The following CNTN5 variants were observed in gnomAD, a reference collection of about 807,000 sequenced individuals.
CNTN5 encodes the protein contactin 5, also known as contactin-5.
CNTN5 carries 77 observed loss-of-function variants against 129.1 expected under a neutral mutation model. The ratio of observed to expected loss-of-function variants is 0.60; its 90% CI spans 0.50 to 0.72. CNTN5 has a LOEUF of 0.72. Ranked by LOEUF, CNTN5 falls within the 30% of genes least tolerant of loss-of-function variation. CNTN5 has a pLI of 0.00. For missense variants in CNTN5, 1,478 were observed against 1,328.8 expected (o/e 1.11, Z -1.75); for synonymous variants, 509 against 465.6 (o/e 1.09, Z -1.20).
At position 99,473,213 on chromosome 11, in the gene CNTN5, A is replaced by C. The variant is rs576996682; in HGVS notation, c.-70-82932A>C. On this transcript the variant is annotated intron_variant, in intron 2 of 24. Coordinates refer to ENST00000524871, the MANE Select transcript of CNTN5 (RefSeq NM_014361.4). ...TATACTTGCTTTGCTTTTTAGCAAC[A>C]ACCTTGGAAAATCTTTTGATACTTG... 2.0e-5 allele frequency among the ~76,000 whole-genome samples: 3 copies of C among 152,248 alleles called. No homozygotes were observed. The South Asian group carries it at 6.2e-4, about 32-fold the overall frequency.
At chr11:99,559,745 T>G (rs534423198) in intron 3 of CNTN5, among the ~76,000 whole-genome samples, 21 of 152,286 alleles carry the variant, frequency 1.4e-4, no homozygotes, top group Middle Eastern at 3.4e-3. Flanking sequence ...ACACAAAAAC[T>G]ACCATATAAG....
At chr11:100,044,313 A>G (rs1275607527) in intron 9 of CNTN5, among the ~76,000 whole-genome samples, 1 of 152,098 alleles carries the variant, frequency 6.6e-6, no homozygotes, top group Non-Finnish European at 1.5e-5. Flanking sequence ...TATTTTTAAT[A>G]TAGTAATTTA....
At chr11:99,490,573 A>T (rs1239424381) in intron 2 of CNTN5, among the ~76,000 whole-genome samples, 6 of 152,114 alleles carry the variant, frequency 3.9e-5, no homozygotes, top group African/African-American at 1.4e-4. Flanking sequence ...ACTGTTACTT[A>T]TTAGGGAGTG....
At chr11:99,845,668 G>T (rs952084789) in intron 6 of CNTN5, among the ~76,000 whole-genome samples, 5 of 152,032 alleles carry the variant, frequency 3.3e-5, no homozygotes, top group East Asian at 1.9e-4. Flanking sequence ...CACCGCGCCC[G>T]GCCCTTCTTG....
intron 1 of CNTN5, among the ~76,000 whole-genome samples, chr11:99,320,448 G>GA (rs1401652671): frequency 6.6e-6 from 1 of 151,964 alleles, no homozygotes; most frequent in Admixed American, 6.6e-5. Context: ...GAATCCAAGG[G>GA]AAAAAAGAGA....
intron 6 of CNTN5, among the ~76,000 whole-genome samples, chr11:99,877,034 G>A (rs896096324): frequency 1.3e-5 from 2 of 152,148 alleles, no homozygotes; most frequent in African/African-American, 4.8e-5. Flanking sequence ...AAAAAGAGCT[G>A]TAGGAGTGAT....
At chr11:99,544,078 C>T (rs2135503900) in intron 2 of CNTN5, among the ~76,000 whole-genome samples, 1 of 152,110 alleles carries the variant, frequency 6.6e-6, no homozygotes, top group South Asian at 2.1e-4. Context: ...TTAATTGGCT[C>T]ACAGTTATGC....
intron 15 of CNTN5, among the ~76,000 whole-genome samples, chr11:100,224,185 G>A (rs948237816): frequency 7.9e-5 from 12 of 152,082 alleles, no homozygotes; most frequent in Admixed American, 7.9e-4. Context: ...ACATGGCTTT[G>A]GGACCAGCAC....
chr11:99,059,649 C>A (rs1399366347), intron 1 of CNTN5, among the ~76,000 whole-genome samples: 52 of 152,010 alleles, frequency 3.4e-4, no homozygotes, highest in Non-Finnish European at 2.1e-4. Flanking sequence ...CCTGTAATAT[C>A]CTATTTACAA....
At chr11:99,890,813 T>C (rs1288253654) in intron 6 of CNTN5, among the ~76,000 whole-genome samples, 1 of 152,108 alleles carries the variant, frequency 6.6e-6, no homozygotes, top group African/African-American at 2.4e-5. Context: ...GACTAAGGGA[T>C]AAAAATCAAC....
At chr11:99,091,042 A>G (rs1565309984) in intron 1 of CNTN5, among the ~76,000 whole-genome samples, 2 of 151,518 alleles carry the variant, frequency 1.3e-5, no homozygotes, top group Admixed American at 6.6e-5. Flanking sequence ...AAAAAAAAAA[A>G]AAGCCTTATG....
chr11:99,425,735 G>A (rs918666168), intron 2 of CNTN5, among the ~76,000 whole-genome samples: 6 of 152,356 alleles, frequency 3.9e-5, no homozygotes, highest in Admixed American at 3.9e-4. Flanking sequence ...GAGGTCTGCA[G>A]CCATGGCTGG....
chr11:99,591,570 C>T (rs560035781), intron 3 of CNTN5, among the ~76,000 whole-genome samples: 30 of 152,090 alleles, frequency 2.0e-4, no homozygotes, highest in African/African-American at 6.3e-4. Context: ...CATCTCCTGA[C>T]ATCATGATCC....
At chr11:99,446,462 T>G (rs563250192) in intron 2 of CNTN5, among the ~76,000 whole-genome samples, 1 of 152,206 alleles carries the variant, frequency 6.6e-6, no homozygotes, top group African/African-American at 2.4e-5. Context: ...GATTTTATTA[T>G]GACTTTTACC....
intron 1 of CNTN5, among the ~76,000 whole-genome samples, chr11:99,270,395 A>T (rs1863118320): frequency 6.6e-6 from 1 of 151,882 alleles, no homozygotes; most frequent in Non-Finnish European, 1.5e-5. Flanking sequence ...TTCATGAATA[A>T]TAATTTTTCC....
chr11:100,152,546 G>T (rs1250556391), intron 13 of CNTN5, among the ~76,000 whole-genome samples: 1 of 152,086 alleles, frequency 6.6e-6, no homozygotes, highest in Non-Finnish European at 1.5e-5. Flanking sequence ...TGTGATGAAG[G>T]TCCCTAGTTG....
intron 1 of CNTN5, among the ~76,000 whole-genome samples, chr11:99,060,604 AT>A (rs34029255): frequency 1.3e-5 from 2 of 151,162 alleles, no homozygotes; most frequent in Non-Finnish European, 3.0e-5. Context: ...TAAAATATGG[AT>A]TTTTTTTTCA....
chr11:99,524,181 G>A (rs1337278594), intron 2 of CNTN5, among the ~76,000 whole-genome samples: 1 of 152,186 alleles, frequency 6.6e-6, no homozygotes, highest in East Asian at 1.9e-4. Flanking sequence ...GTCAATCACA[G>A]TTTCTGGTCT....
At chr11:99,994,530 C>A (rs1324549538) in intron 8 of CNTN5, among the ~76,000 whole-genome samples, 1 of 152,144 alleles carries the variant, frequency 6.6e-6, no homozygotes, top group Non-Finnish European at 1.5e-5. Flanking sequence ...TCCACTCCAA[C>A]ACCCTATGAC....
Sources: gnomAD v4.1 joint callset for allele counts (sites outside exome capture counted in the v4.1 genomes callset) on GRCh38, gnomAD v4.1.1 for gene constraint, MANE v1.5 for transcripts, NCBI Gene and HGNC (gene_info 2026-07-23, HGNC 2026-07-21) for gene names.